AP1S3: variants seen among roughly 807,000 people sequenced by gnomAD.
The protein encoded by AP1S3 is adaptor related protein complex 1 subunit sigma 3.
In AP1S3, 10 loss-of-function variants were observed where a neutral mutation model predicts 20.9. That is an observed-to-expected ratio of 0.48 (90% CI 0.29 to 0.81). The LOEUF is 0.81. Ranked by LOEUF, AP1S3 falls within the 30% of genes least tolerant of loss-of-function variation. The probability of loss-of-function intolerance (pLI) is 0.08; values close to 1 mark genes in which losing one functional copy is unlikely to be tolerated. For synonymous variants in AP1S3, 41 were observed against 61.5 expected (o/e 0.67, Z 1.56); for missense variants, 154 against 183.8 (o/e 0.84, Z 0.94).
chr2:223,790,566 C>T (rs978349378), intron 1 of AP1S3, among the ~76,000 whole-genome samples: 1 of 151,956 alleles, frequency 6.6e-6, no homozygotes, highest in African/African-American at 2.4e-5. Context: ...AGTTTTTTTT[C>T]AACCTGTACA....
chr2:223,790,407 G>A (rs1002625544), intron 1 of AP1S3, among the ~76,000 whole-genome samples: 1 of 151,730 alleles, frequency 6.6e-6, no homozygotes, highest in African/African-American at 2.4e-5. Flanking sequence ...AATTTTTTTT[G>A]TATTTTTAGC....
At chr2:223,795,685 C>T (rs931576548) in intron 1 of AP1S3, among the ~76,000 whole-genome samples, 3 of 152,138 alleles carry the variant, frequency 2.0e-5, no homozygotes, top group African/African-American at 4.8e-5. Context: ...ATTTAAATCC[C>T]GGCTCTGTCA....
chr2:223,817,308 A>G (rs1157230868), intron 1 of AP1S3, among the ~76,000 whole-genome samples: 5 of 152,036 alleles, frequency 3.3e-5, no homozygotes, highest in Non-Finnish European at 7.4e-5. Flanking sequence ...AGAGTCCTGG[A>G]AAAAGAAAAC....
chr2:223,774,377 A>AATAG (rs1279928722), intron 3 of AP1S3, among the ~76,000 whole-genome samples: 1 of 18,338 alleles, frequency 5.5e-5, no homozygotes, highest in Non-Finnish European at 8.2e-5. Flanking sequence ...ATAAATAATA[A>AATAG]ATAAATAAAT....
Position 223,756,359 on chromosome 2 carries a change from G to A in AP1S3, c.*2356C>T, listed in dbSNP as rs200628940. 115 of 283,644 alleles carry A rather than the reference G, an allele frequency of 4.1e-4. 1 individual carries two copies. Among genetic ancestry groups the A allele is most frequent in the African/African-American group, 2.2e-3 (80 of 36,506 alleles). 17.6% of individuals were successfully genotyped at this position (283,644 alleles called of 1,614,324 possible). The stretch of plus-strand genomic sequence containing the variant: ...AAAAGAAAGAAAAGAAAAGAAAAGA[G>A]AAAAAGAAAGAAAGAAAGGAGGGAG... On this transcript the variant is annotated 3_prime_UTR_variant, in exon 5 of 5. Transcript: ENST00000396654.
chr2:223,832,564 G>A (rs1574736479), intron 1 of AP1S3, among the ~76,000 whole-genome samples: 1 of 152,152 alleles, frequency 6.6e-6, no homozygotes. Flanking sequence ...CAGCAGCCTA[G>A]ACCAAGTCTC....
intron 4 of AP1S3, among the ~76,000 whole-genome samples, chr2:223,760,859 A>G (rs1005305508): frequency 6.6e-6 from 1 of 152,166 alleles, no homozygotes; most frequent in Non-Finnish European, 1.5e-5. Context: ...TACTTTTTGC[A>G]GTTAAAATAT....
At chr2:223,808,350 G>A (rs1233211766) in intron 1 of AP1S3, among the ~76,000 whole-genome samples, 1 of 152,184 alleles carries the variant, frequency 6.6e-6, no homozygotes, top group Non-Finnish European at 1.5e-5. Context: ...TCCTCTGCGA[G>A]GGCCCCTCCC....
At chr2:223,794,775 A>G (rs1304414866) in intron 1 of AP1S3, among the ~76,000 whole-genome samples, 2 of 152,268 alleles carry the variant, frequency 1.3e-5, no homozygotes, top group African/African-American at 2.4e-5. Context: ...CCACAAGACT[A>G]TCTTTCCAAG....
chr2:223,770,530 ACC>A lies in AP1S3; in HGVS notation c.292-5182_292-5181del, dbSNP rs1553581396. 4.2e-4 allele frequency among the ~76,000 whole-genome samples: 63 copies of A among 149,036 alleles called. 2 individuals are homozygous for A. The highest frequency in any genetic ancestry group is 1.2e-3 in the East Asian group (6 of 5,126). On this transcript the variant is annotated intron_variant, in intron 3 of 4. Coordinates refer to ENST00000396654, the MANE Select transcript of AP1S3 (RefSeq NM_001039569.2). Reference sequence around the variant, plus strand: ...CACACACACACACACACACACACACACCCCTTGATATACAGTTACTATCTGTA... The same window carrying A: ...CACACACACACACACACACACACACACCTTGATATACAGTTACTATCTGTA...
intron 1 of AP1S3, among the ~76,000 whole-genome samples, chr2:223,820,694 C>T (rs927169671): frequency 1.3e-5 from 2 of 150,364 alleles, no homozygotes; most frequent in African/African-American, 4.9e-5. Flanking sequence ...ACAAGCCAGA[C>T]CTTCCTGGAC....
intron 1 of AP1S3, among the ~76,000 whole-genome samples, chr2:223,831,901 C>G (rs1415485615): frequency 6.6e-6 from 1 of 151,900 alleles, no homozygotes; most frequent in African/African-American, 2.4e-5. Context: ...ACGGTGAAAC[C>G]CCATCTCCAT....
At chr2:223,808,860 G>A (rs1691644943) in intron 1 of AP1S3, among the ~76,000 whole-genome samples, 1 of 152,090 alleles carries the variant, frequency 6.6e-6, no homozygotes, top group South Asian at 2.1e-4. Flanking sequence ...GCTGGGTGTG[G>A]AGGAACATGC....
chr2:223,783,085 T>A (rs916892375), intron 1 of AP1S3, among the ~76,000 whole-genome samples: 1 of 152,170 alleles, frequency 6.6e-6, no homozygotes, highest in Non-Finnish European at 1.5e-5. Flanking sequence ...AAGAGCCAAC[T>A]TAAATGCAAG....
At chr2:223,832,352 CACAA>C (rs77999290) in intron 1 of AP1S3, among the ~76,000 whole-genome samples, 5 of 150,740 alleles carry the variant, frequency 3.3e-5, no homozygotes, top group Non-Finnish European at 7.4e-5. Flanking sequence ...CAATACTCAC[CACAA>C]ACAAACAAAC....
chr2:223,779,203 G>T, intron 1 of AP1S3, among the ~76,000 whole-genome samples: 1 of 152,292 alleles, frequency 6.6e-6, no homozygotes, highest in Non-Finnish European at 1.5e-5. Context: ...AATTTTAAAA[G>T]ATTTAAATAA....
intron 1 of AP1S3, among the ~76,000 whole-genome samples, chr2:223,778,780 T>TCC (rs746934904): frequency 2.7e-5 from 4 of 149,952 alleles, no homozygotes; most frequent in Non-Finnish European, 5.9e-5. Context: ...CACTGCAACC[T>TCC]CCCCCTCCCA....
intron 1 of AP1S3, among the ~76,000 whole-genome samples, chr2:223,812,629 C>T (rs902516988): frequency 2.0e-5 from 3 of 151,974 alleles, no homozygotes; most frequent in East Asian, 1.9e-4. Flanking sequence ...TTTCTAAACA[C>T]GGAAACTTTA....
At position 223,765,419 on chromosome 2, in the gene AP1S3, C is replaced by T. The variant is rs74693185; in HGVS notation, c.292-69G>A. 29 of 1,509,896 alleles carry T rather than the reference C, an allele frequency of 1.9e-5. No homozygotes were observed. In the Middle Eastern group the frequency reaches 5.3e-4, roughly 27 times the overall value. The allele number at this position is 1,509,896 out of a possible 1,614,324, so 93.5% of individuals were successfully genotyped here. ...TCAGGGGAAACATCTGCCCGAATCT[C>T]GAGCTTTTTCAGTTTGCACTCATGT... On this transcript the variant is annotated intron_variant, in intron 3 of 4. Transcript: ENST00000396654.
Sources: gnomAD v4.1 joint callset for allele counts (sites outside exome capture counted in the v4.1 genomes callset) on GRCh38, gnomAD v4.1.1 for gene constraint, MANE v1.5 for transcripts, NCBI Gene and HGNC (gene_info 2026-07-23, HGNC 2026-07-21) for gene names.